ATG4C: variants seen among roughly 807,000 people sequenced by gnomAD.
ATG4C encodes the protein cysteine protease ATG4C.
In ATG4C, 56 loss-of-function variants were observed where a neutral mutation model predicts 57.6. The observed-to-expected ratio is 0.97, with a 90% CI of 0.78 to 1.21. The LOEUF is 1.21. Ranked by LOEUF, ATG4C falls within the 50% of genes most tolerant of loss-of-function variation. ATG4C has a pLI of 0.00. For synonymous variants in ATG4C, 157 were observed against 174.1 expected (o/e 0.90, Z 0.78); for missense variants, 595 against 529.8 (o/e 1.12, Z -1.21).
At chr1:62,799,434 C>T (rs1306097575) in intron 1 of ATG4C, among the ~76,000 whole-genome samples, 1 of 152,082 alleles carries the variant, frequency 6.6e-6, no homozygotes, top group African/African-American at 2.4e-5. Flanking sequence ...AAGGATGTGT[C>T]CCAGAGGCAT....
At chr1:62,822,096 C>T (rs188555409) in intron 6 of ATG4C, among the ~76,000 whole-genome samples, 197 of 152,164 alleles carry the variant, frequency 1.3e-3, no homozygotes, top group African/African-American at 4.5e-3. Context: ...CCACCTCATG[C>T]TGTTAAGTGT....
At chr1:62,791,414 G>A (rs1263816392) in intron 1 of ATG4C, among the ~76,000 whole-genome samples, 1 of 152,170 alleles carries the variant, frequency 6.6e-6, no homozygotes, top group Non-Finnish European at 1.5e-5. Flanking sequence ...CATTGTCGTA[G>A]TCTGTCTTTC....
At chr1:62,830,190 A>C (rs1483893218) in intron 7 of ATG4C, among the ~76,000 whole-genome samples, 1 of 152,198 alleles carries the variant, frequency 6.6e-6, no homozygotes, top group African/African-American at 2.4e-5. Context: ...AAGAGTAACA[A>C]TACTGTAATA....
intron 1 of ATG4C, among the ~76,000 whole-genome samples, chr1:62,798,648 TG>T (rs201900834): frequency 5.3e-5 from 8 of 151,946 alleles, no homozygotes; most frequent in African/African-American, 1.9e-4. Flanking sequence ...TTTTAATATT[TG>T]TTTTTTTTTT....
chr1:62,820,023 T>C (rs1665431221), intron 5 of ATG4C, among the ~76,000 whole-genome samples: 1 of 152,048 alleles, frequency 6.6e-6, no homozygotes, highest in Non-Finnish European at 1.5e-5. Flanking sequence ...TTAAATTTAC[T>C]CCATTTAAAA....
At chr1:62,848,169 A>T (rs1191211758) in intron 10 of ATG4C, among the ~76,000 whole-genome samples, 1 of 139,228 alleles carries the variant, frequency 7.2e-6, no homozygotes, top group Non-Finnish European at 1.6e-5. Flanking sequence ...TTTGTTTTAT[A>T]CATTTTGAGG....
intron 1 of ATG4C, among the ~76,000 whole-genome samples, chr1:62,791,140 T>C (rs1037498758): frequency 6.6e-6 from 1 of 152,206 alleles, no homozygotes; most frequent in Non-Finnish European, 1.5e-5. Context: ...TTTATATCTC[T>C]ATTGTGAGAT....
At chr1:62,863,175 A>C (rs1666906170) in intron 10 of ATG4C, among the ~76,000 whole-genome samples, 1 of 152,004 alleles carries the variant, frequency 6.6e-6, no homozygotes, top group African/African-American at 2.4e-5. Context: ...AAAGGTTGTG[A>C]ATATCCTCAC....
chr1:62,852,956 C>A (rs1306016186), intron 10 of ATG4C, among the ~76,000 whole-genome samples: 1 of 152,044 alleles, frequency 6.6e-6, no homozygotes, highest in African/African-American at 2.4e-5. Context: ...ATTTGATCTC[C>A]TATATTCTGA....
At position 62,819,011 on chromosome 1, in the gene ATG4C, C is replaced by T; in HGVS notation, c.401C>T (p.Thr134Ile). 6.4e-7 allele frequency: 1 copy of T among 1,552,812 alleles called. No individual in the cohort carries two copies. Among genetic ancestry groups the T allele is most frequent in the African/African-American group, 1.4e-5 (1 of 73,044 alleles). Residue 134 changes from threonine (T) to isoleucine (I), a missense_variant, in exon 5 of 11, where the codon ACC (threonine) becomes ATC (isoleucine). Thr to Ile is a moderately conservative substitution (Grantham distance 89). Transcript: ENST00000317868. The stretch of plus-strand genomic sequence containing the variant: ...TGCTTTGGAACTACTATAGCTTGGA[C>T]CTGGCCTGATGCTTTGAATATTGAA... ...LILHFLGRAW[T>I]WPDALNIENS...
intron 3 of ATG4C, among the ~76,000 whole-genome samples, chr1:62,806,928 TACATGTC>T (rs1313756708): frequency 6.6e-6 from 1 of 152,256 alleles, no homozygotes; most frequent in Non-Finnish European, 1.5e-5. Flanking sequence ...CTTTGCCTTC[TACATGTC>T]ATATCATTTT....
chr1:62,864,346 T>C lies in ATG4C; in HGVS notation c.*187T>C. ...AGAGAAATGATTTAATGAATCTTGC[T>C]TTCTAATAAATAAATTGAGTGATTC... On this transcript the variant is annotated 3_prime_UTR_variant, in exon 11 of 11. Coordinates refer to ENST00000317868, the MANE Select transcript of ATG4C (RefSeq NM_032852.4). 1 of 471,222 alleles carries C rather than the reference T, an allele frequency of 2.1e-6. No homozygotes were observed. Among genetic ancestry groups the C allele is most frequent in the Non-Finnish European group, 3.6e-6 (1 of 274,444 alleles). 29.2% of individuals were successfully genotyped at this position (471,222 alleles called of 1,614,324 possible).
chr1:62,813,543 G>A (rs1019058230), intron 3 of ATG4C, among the ~76,000 whole-genome samples: 3 of 152,102 alleles, frequency 2.0e-5, no homozygotes, highest in South Asian at 2.1e-4. Flanking sequence ...GCATGGGCAA[G>A]GACTTCATGT....
intron 3 of ATG4C, among the ~76,000 whole-genome samples, chr1:62,812,879 G>C (rs762331316): frequency 1.3e-5 from 2 of 151,960 alleles, no homozygotes; most frequent in Non-Finnish European, 2.9e-5. Context: ...CAATTGCCAC[G>C]AAGAGAATAA....
chr1:62,841,197 AAT>A (rs1281049042), intron 9 of ATG4C, among the ~76,000 whole-genome samples: 8 of 152,208 alleles, frequency 5.3e-5, no homozygotes, highest in Admixed American at 4.6e-4. Context: ...GAATGGCACT[AAT>A]ATCACAAAAG....
chr1:62,859,781 C>A (rs892774779), intron 10 of ATG4C, among the ~76,000 whole-genome samples: 3 of 151,916 alleles, frequency 2.0e-5, no homozygotes, highest in African/African-American at 7.3e-5. Flanking sequence ...CTGCAACCTC[C>A]GCCTCCCAGG....
chr1:62,835,325 A>G (rs901803637), intron 9 of ATG4C: 2 of 299,854 alleles, frequency 6.7e-6, no homozygotes, highest in Non-Finnish European at 1.4e-5. Flanking sequence ...TCAAGAGCTT[A>G]GTTGGGTTTC....
intron 9 of ATG4C, among the ~76,000 whole-genome samples, chr1:62,838,603 C>G (rs966281100): frequency 2.6e-4 from 39 of 152,030 alleles, no homozygotes; most frequent in African/African-American, 8.0e-4. Flanking sequence ...CATGGTGAAA[C>G]CCCGTCTCTA....
At chr1:62,830,621 T>G (rs956700322) in intron 7 of ATG4C, among the ~76,000 whole-genome samples, 6 of 152,160 alleles carry the variant, frequency 3.9e-5, no homozygotes, top group Admixed American at 2.0e-4. Flanking sequence ...TGTAGTGAAA[T>G]GTAGCATCCT....
Sources: allele counts gnomAD v4.1 joint callset (sites outside exome capture counted in the v4.1 genomes callset), GRCh38; gene constraint gnomAD v4.1.1; transcripts MANE v1.5; gene names NCBI Gene and HGNC (gene_info 2026-07-23, HGNC 2026-07-21).